ITGA1: variants seen among roughly 807,000 people sequenced by gnomAD.
ITGA1 encodes the protein integrin alpha-1.
Under a neutral mutation model 145.9 loss-of-function variants are expected in ITGA1, and 85 were observed. That is an observed-to-expected ratio of 0.58 (90% CI 0.49 to 0.70). The LOEUF (loss-of-function observed/expected upper bound fraction) is 0.70, where lower values mean the gene tolerates loss of function less well. ITGA1 is among the 30% of genes least tolerant of loss of function. ITGA1 has a pLI of 0.00. For synonymous variants in ITGA1, 520 were observed against 495.3 expected (o/e 1.05, Z -0.66); for missense variants, 1,351 against 1,418.7 (o/e 0.95, Z 0.77).
At chr5:52,894,435 T>A (rs1010355985) in intron 9 of ITGA1, among the ~76,000 whole-genome samples, 3 of 152,132 alleles carry the variant, frequency 2.0e-5, no homozygotes, top group African/African-American at 7.2e-5. Context: ...CTGTTGAGGA[T>A]AACGAGTTAT....
At chr5:52,890,486 A>C (rs1750128965) in intron 8 of ITGA1, among the ~76,000 whole-genome samples, 2 of 152,214 alleles carry the variant, frequency 1.3e-5, no homozygotes, top group Admixed American at 1.3e-4. Flanking sequence ...CAATTTGGTG[A>C]GTTTTGACAA....
At chr5:52,947,259 A>C in intron 27 of ITGA1, 86 bp from the exon 28 acceptor site, 5 of 765,326 alleles carry the variant, frequency 6.5e-6, no homozygotes, top group Non-Finnish European at 1.2e-5. Flanking sequence ...ATGCACTGGT[A>C]GAGAATTGTA....
intron 1 of ITGA1, among the ~76,000 whole-genome samples, chr5:52,814,077 A>G (rs1477660049): frequency 6.6e-6 from 1 of 152,148 alleles, no homozygotes; most frequent in Non-Finnish European, 1.5e-5. Flanking sequence ...TCACTGTTTT[A>G]TGTAGCCCTG....
chr5:52,802,105 A>T, intron 1 of ITGA1: 1 of 352,518 alleles, frequency 2.8e-6, no homozygotes, highest in Non-Finnish European at 5.2e-6. Flanking sequence ...TAGTACTTGG[A>T]AACAGAAAAT....
chr5:52,858,378 T>C (rs921548883), intron 2 of ITGA1, among the ~76,000 whole-genome samples: 1 of 152,236 alleles, frequency 6.6e-6, no homozygotes, highest in Non-Finnish European at 1.5e-5. Flanking sequence ...TTCTTACTTC[T>C]AAGACTTTGC....
chr5:52,868,467 A>G (rs1197844101), intron 6 of ITGA1, among the ~76,000 whole-genome samples: 3 of 152,224 alleles, frequency 2.0e-5, no homozygotes, highest in Non-Finnish European at 4.4e-5. Flanking sequence ...TTTTTCAGTT[A>G]GAACTATAAT....
At chr5:52,859,282 ATAAT>A (rs918704874) in intron 2 of ITGA1, among the ~76,000 whole-genome samples, 7 of 152,190 alleles carry the variant, frequency 4.6e-5, no homozygotes, top group East Asian at 1.9e-4. Context: ...TGATCCTGAA[ATAAT>A]TAGTTTTTAT....
chr5:52,820,697 T>A (rs1442174994), intron 1 of ITGA1, among the ~76,000 whole-genome samples: 1 of 152,266 alleles, frequency 6.6e-6, no homozygotes, highest in Non-Finnish European at 1.5e-5. Flanking sequence ...TATTTGGTGA[T>A]ATTTGGTGAG....
rs764696559 is a variant in ITGA1 at position 52,925,333 on chromosome 5, T to A, written c.2459T>A (p.Leu820Gln). The change falls in exon 19 of 29, where the codon CTG becomes CAG. Residue 820 changes from leucine (L) to glutamine (Q), a missense_variant. Leu to Gln is a moderately radical substitution (Grantham distance 113). Coordinates refer to ENST00000282588, the MANE Select transcript of ITGA1 (RefSeq NM_181501.2). Reference sequence around the variant, plus strand: ...GAAAAATGTATCTCAGACCTCAGCCTGCATGTCGCCACCACTGAAAAGGAC... The same window carrying A: ...GAAAAATGTATCTCAGACCTCAGCCAGCATGTCGCCACCACTGAAAAGGAC... ...NKEKCISDLSLHVATTEKDLL... is the reference protein window; with the variant it reads ...NKEKCISDLSQHVATTEKDLL... 1.2e-6 allele frequency: 2 copies of A among 1,613,986 alleles called. No individual in the cohort carries two copies.
In ITGA1 at chr5:52,910,210, T is replaced by C. The variant is rs777756388; in HGVS notation, c.1648T>C (p.Cys550Arg). ...MSLEPIKQTC[C>R]SSRQHNSCTT... ...CCTGGAACCTATTAAGCAGACGTGC[T>C]GTTCATCTCGGCAGCACAATTCATG... is the stretch of plus-strand genomic sequence containing the variant. Residue 550 changes from cysteine (C) to arginine (R), a missense_variant, in exon 14 of 29, where the codon TGT becomes CGT. Transcript: ENST00000282588. The C allele has an allele frequency of 1.9e-6, 3 of 1,613,828 alleles. No homozygotes were observed. In the East Asian group the frequency reaches 6.7e-5, roughly 36 times the overall value.
At chr5:52,859,932 T>C (rs1197814469) in intron 2 of ITGA1, among the ~76,000 whole-genome samples, 1 of 152,214 alleles carries the variant, frequency 6.6e-6, no homozygotes, top group African/African-American at 2.4e-5. Flanking sequence ...TTAGCATTTT[T>C]GGCACTAAAA....
At chr5:52,950,761 T>C (rs1050206744) in intron 28 of ITGA1, among the ~76,000 whole-genome samples, 1 of 152,102 alleles carries the variant, frequency 6.6e-6, no homozygotes, top group African/African-American at 2.4e-5. Flanking sequence ...CAAGGAGCAT[T>C]GTAAAGAAGC....
rs146619021 is a variant in ITGA1 at position 52,910,646 on chromosome 5, T to C, written c.1857+227T>C. 1.6e-3 allele frequency among the ~76,000 whole-genome samples: 235 copies of C among 148,098 alleles called. 2 individuals carry two copies. The South Asian group carries it at 0.034, about 21-fold the overall frequency. On this transcript the variant is annotated intron_variant, in intron 14 of 28. Coordinates refer to ENST00000282588, the MANE Select transcript of ITGA1 (RefSeq NM_181501.2). ...GTATGTATATAGTATATATAGTGTA[T>C]ATATAATGTGTATATAGTATATATA... is the stretch of plus-strand genomic sequence containing the variant.
chr5:52,919,666 A>G (rs1459969875), intron 16 of ITGA1, among the ~76,000 whole-genome samples: 1 of 152,194 alleles, frequency 6.6e-6, no homozygotes, highest in African/African-American at 2.4e-5. Context: ...AGAAAGATCA[A>G]TGAGGTATAA....
At chr5:52,848,849 T>C (rs902091752) in intron 1 of ITGA1, among the ~76,000 whole-genome samples, 5 of 152,070 alleles carry the variant, frequency 3.3e-5, no homozygotes, top group African/African-American at 7.2e-5. Context: ...GTCCTTGAGA[T>C]AGTTTGCTGA....
Position 52,910,271 on chromosome 5 carries a change from G to C in ITGA1, c.1709G>C (p.Arg570Pro), listed in dbSNP as rs757908946. ...TENKNEPCGA[R>P]FGTAIAAVKD... ...AACAAAAATGAGCCATGCGGGGCTC[G>C]TTTTGGAACTGCAATTGCTGCTGTA... Residue 570 changes from arginine to proline, a missense_variant, in exon 14 of 29, where the codon CGT becomes CCT. Arg to Pro is a moderately radical substitution (Grantham distance 103, BLOSUM62 -2). Transcript: ENST00000282588. 8 of 1,613,816 alleles carry C rather than the reference G, an allele frequency of 5.0e-6. No homozygotes were observed. The highest frequency in any genetic ancestry group is 1.3e-5 in the African/African-American group (1 of 74,892).
chr5:52,901,622 T>C (rs1000940386), intron 11 of ITGA1, among the ~76,000 whole-genome samples: 3 of 152,232 alleles, frequency 2.0e-5, no homozygotes, highest in African/African-American at 7.2e-5. Context: ...CTTAATTATA[T>C]GTGATTAAAT....
At chr5:52,906,890 T>C (rs1206065324) in intron 12 of ITGA1, among the ~76,000 whole-genome samples, 1 of 152,170 alleles carries the variant, frequency 6.6e-6, no homozygotes, top group East Asian at 1.9e-4. Flanking sequence ...CAAACTGCAC[T>C]CGCTTTAAAG....
At chr5:52,801,906 C>T (rs1748496560) in intron 1 of ITGA1, 3 of 1,254,434 alleles carry the variant, frequency 2.4e-6, no homozygotes, top group South Asian at 3.0e-5. Flanking sequence ...TTCTCAGCAT[C>T]CTTGTGACAG....
Sources: allele counts gnomAD v4.1 joint callset (sites outside exome capture counted in the v4.1 genomes callset), GRCh38; gene constraint gnomAD v4.1.1; transcripts MANE v1.5; gene names NCBI Gene and HGNC (gene_info 2026-07-23, HGNC 2026-07-21).